ASB9: variants seen among roughly 807,000 people sequenced by gnomAD.
The protein encoded by ASB9 is ankyrin repeat and SOCS box containing 9, also known as ankyrin repeat and SOCS box protein 9.
ASB9 carries 5 observed loss-of-function variants against 16.6 expected under a neutral mutation model. The observed-to-expected ratio is 0.30, with a 90% confidence interval of 0.16 to 0.63. ASB9 has a LOEUF of 0.63. Ranked by LOEUF, ASB9 falls within the 30% of genes least tolerant of loss-of-function variation. The pLI is 0.82. For synonymous variants in ASB9, 100 were observed against 86.4 expected, an observed-to-expected ratio of 1.16 and a Z score of -0.87; for missense variants, 216 against 229.4, an observed-to-expected ratio of 0.94 and a Z score of 0.38.
chrX:15,265,645 T>C (rs1258013833), intron 1 of ASB9, among the ~76,000 whole-genome samples: 1 of 110,312 alleles, frequency 9.1e-6, no homozygotes, highest in African/African-American at 3.3e-5. Context: ...ATCTGCATTT[T>C]TTTTTTTTGA....
In ASB9 at chrX:15,244,266, T is replaced by G; in HGVS notation, c.*240A>C. ...CACTCTCCATGCAGGGAAAAAAGTC[T>G]TCATGCCTTCTAACTAATAATACAA... On this transcript the variant is annotated 3_prime_UTR_variant, in exon 7 of 7. Coordinates refer to ENST00000380488, the MANE Select transcript of ASB9 (RefSeq NM_001031739.3). The G allele has an allele frequency of 3.0e-6, 1 of 333,347 alleles. No individual in the cohort carries two copies. The highest frequency in any genetic ancestry group is 5.2e-6 in the Non-Finnish European group (1 of 194,059). 27.5% of individuals were successfully genotyped at this position (333,347 alleles called of 1,213,427 possible). A position where few individuals can be genotyped will look rare whatever the true frequency, so the allele number is the denominator to read the frequency against.
chrX:15,248,526 C>T (rs1924850629), intron 6 of ASB9, among the ~76,000 whole-genome samples: 1 of 112,113 alleles, frequency 8.9e-6, no homozygotes, highest in South Asian at 3.7e-4. Flanking sequence ...TCCCAAAAAC[C>T]TGTATCCAAT....
intron 1 of ASB9, among the ~76,000 whole-genome samples, chrX:15,265,578 T>A (rs749832372): frequency 4.5e-5 from 5 of 111,388 alleles, no homozygotes; most frequent in Admixed American, 1.9e-4. Context: ...GAGTTTGTTA[T>A]GAATGCAGAT....
intron 1 of ASB9, among the ~76,000 whole-genome samples, chrX:15,267,509 C>T (rs1926595253): frequency 1.9e-5 from 1 of 53,071 alleles, no homozygotes; most frequent in African/African-American, 7.7e-5. Flanking sequence ...CTTTGGGAGG[C>T]CAAGGCGGGC....
At chrX:15,251,789 T>C (rs942385836) in intron 4 of ASB9, among the ~76,000 whole-genome samples, 7 of 112,759 alleles carry the variant, frequency 6.2e-5, no homozygotes, top group African/African-American at 1.9e-4. Flanking sequence ...TTGGCAAACT[T>C]AAGTGTCACT....
intron 1 of ASB9, among the ~76,000 whole-genome samples, chrX:15,264,751 AAAGC>A (rs780650083): frequency 8.9e-6 from 1 of 112,045 alleles, no homozygotes; most frequent in East Asian, 2.8e-4. Context: ...AGCATAAACA[AAAGC>A]AACCAACTAC....
chrX:15,246,185 T>G (rs1444987866), intron 6 of ASB9, among the ~76,000 whole-genome samples: 1 of 111,756 alleles, frequency 8.9e-6, no homozygotes, highest in Non-Finnish European at 1.9e-5. Context: ...GCAGGCCTGA[T>G]AGAGAATTAA....
Position 15,258,944 on chromosome X carries a change from A to G in ASB9, c.96T>C (p.Asp32=), listed in dbSNP as rs1472442180. Residue 32 remains aspartate, a splice_region_variant and synonymous_variant, in exon 2 of 7, where the codon GAT becomes GAC. Coordinates refer to ENST00000380488, the MANE Select transcript of ASB9 (RefSeq NM_001031739.3). ...GCATAGGAGACCAATCAGACACAGC[A>G]TCTGTATGGAAAGAGGGGAATGGGT... ...IRLLSNPLMG[D]AVSDWSPMHE... is the part of the protein sequence containing the mutation. 12 of 1,201,147 alleles carry G rather than the reference A, an allele frequency of 1.0e-5. No homozygotes were observed. Among genetic ancestry groups the G allele is most frequent in the Non-Finnish European group, 1.4e-5 (12 of 885,963 alleles).
At chrX:15,268,449 C>T (rs1025000815) in intron 1 of ASB9, among the ~76,000 whole-genome samples, 1 of 101,818 alleles carries the variant, frequency 9.8e-6, no homozygotes, top group African/African-American at 3.6e-5. Flanking sequence ...TTCTTTGATA[C>T]GGAGTCTCAC....
chrX:15,246,243 G>A (rs1924656950), intron 6 of ASB9, among the ~76,000 whole-genome samples: 3 of 111,741 alleles, frequency 2.7e-5, no homozygotes, highest in Admixed American at 1.9e-4. Flanking sequence ...AACTACTGAT[G>A]CCAACTGAAT....
intron 4 of ASB9, 107 bp from the exon 5 acceptor site, chrX:15,250,671 G>A: frequency 1.4e-6 from 1 of 699,472 alleles, no homozygotes; most frequent in Non-Finnish European, 2.1e-6. Context: ...TTATCCAGGG[G>A]ACCAAAAAGC....
chrX:15,267,934 G>A (rs1016187441), intron 1 of ASB9, among the ~76,000 whole-genome samples: 1 of 110,526 alleles, frequency 9.0e-6, no homozygotes, highest in Non-Finnish European at 1.9e-5. Flanking sequence ...TTGGATAAAT[G>A]AATGAATGAA....
chrX:15,256,912 T>C (rs192110698), intron 2 of ASB9, among the ~76,000 whole-genome samples: 2 of 111,280 alleles, frequency 1.8e-5, no homozygotes, highest in East Asian at 5.6e-4. Flanking sequence ...TATCTTATTT[T>C]CTCACAGTCA....
At position 15,248,957 on chromosome X, in the gene ASB9, A is replaced by G. The variant is rs371254433; in HGVS notation, c.569-22T>C. The G allele has an allele frequency of 3.5e-6, 4 of 1,139,202 alleles. No individual in the cohort carries two copies. The African/African-American group carries it at 7.3e-5, about 21-fold the overall frequency. The allele number at this position is 1,139,202 out of a possible 1,213,427, so 93.9% of individuals were successfully genotyped here. ...GCTCCTAAACAGTCACGAGAACAAA[A>G]AAGAGTCAGCAAGGAGCAGAATCCA... On this transcript the variant is annotated intron_variant, in intron 5 of 6. Transcript: ENST00000380488.
In ASB9 at chrX:15,244,478, C is replaced by T. The variant is rs761011529; in HGVS notation, c.*28G>A. On this transcript the variant is annotated 3_prime_UTR_variant, in exon 7 of 7. Coordinates refer to ENST00000380488, the MANE Select transcript of ASB9 (RefSeq NM_001031739.3). Reference sequence around the variant, plus strand: ...ACAACACTCAATAATGTTTTCACATCGTTTGTGAATCCATTCCCTAGATGC... The same window carrying T: ...ACAACACTCAATAATGTTTTCACATTGTTTGTGAATCCATTCCCTAGATGC... The T allele has an allele frequency of 6.8e-6, 8 of 1,173,218 alleles. No individual in the cohort carries two copies. The highest frequency in any genetic ancestry group is 1.8e-5 in the South Asian group (1 of 55,428).
At chrX:15,267,891 C>T (rs1289608260) in intron 1 of ASB9, among the ~76,000 whole-genome samples, 1 of 111,070 alleles carries the variant, frequency 9.0e-6, no homozygotes, top group African/African-American at 3.3e-5. Flanking sequence ...ATCCCACTCA[C>T]CATTGAGTAC....
At chrX:15,250,752 C>T (rs764542872) in intron 4 of ASB9, among the ~76,000 whole-genome samples, 188 bp from the exon 5 acceptor site, 2 of 111,911 alleles carry the variant, frequency 1.8e-5, no homozygotes, top group East Asian at 5.6e-4. Context: ...AACGGAGTCT[C>T]GCTCTGTCCC....
chrX:15,270,081 TACACACACACAC>T (rs370190376), exon 1 of ASB9: 14 of 294,627 alleles, frequency 4.8e-5, no homozygotes, highest in South Asian at 3.6e-4. Context: ...TGCGCTCGTG[TACACACACACAC>T]ACACACACAC....
At chrX:15,253,145 A>G (rs1336431530) in intron 3 of ASB9, among the ~76,000 whole-genome samples, 1 of 109,704 alleles carries the variant, frequency 9.1e-6, no homozygotes, top group Non-Finnish European at 1.9e-5. Context: ...GAGGCAGGAG[A>G]ATTACTTGAA....
Sources: allele counts gnomAD v4.1 joint callset (sites outside exome capture counted in the v4.1 genomes callset), GRCh38; gene constraint gnomAD v4.1.1; transcripts MANE v1.5; gene names NCBI Gene and HGNC (gene_info 2026-07-23, HGNC 2026-07-21).